Variants in USP45 observed in about 807,000 individuals in gnomAD.
USP45 encodes the protein ubiquitin carboxyl-terminal hydrolase 45.
A neutral mutation model predicts 95.8 loss-of-function variants in USP45; 89 were observed. That is an observed-to-expected ratio of 0.93 (90% CI 0.78 to 1.11). USP45 has a LOEUF of 1.11. USP45 is among the 50% of genes least tolerant of loss of function. USP45 has a pLI of 0.00. For synonymous variants in USP45, 281 were observed against 316.2 expected, an observed-to-expected ratio of 0.89 and a Z score of 1.18; for missense variants, 898 against 942.5, an observed-to-expected ratio of 0.95 and a Z score of 0.62.
At chr6:99,511,520 C>T (rs1799791460) in intron 1 of USP45, among the ~76,000 whole-genome samples, 1 of 151,876 alleles carries the variant, frequency 6.6e-6, no homozygotes, top group African/African-American at 2.4e-5. Context: ...CTGATTTCAG[C>T]TCACTGCAGC....
At chr6:99,458,689 C>T (rs923614389) in intron 13 of USP45, among the ~76,000 whole-genome samples, 2 of 152,094 alleles carry the variant, frequency 1.3e-5, no homozygotes, top group Non-Finnish European at 2.9e-5. Flanking sequence ...TTAGGTACAA[C>T]TTATGTTATG....
At chr6:99,516,541 C>T (rs1224784901), upstream of USP45, among the ~76,000 whole-genome samples, 1 of 152,156 alleles carries the variant, frequency 6.6e-6, no homozygotes, top group South Asian at 2.1e-4. Flanking sequence ...TTGCTTATAT[C>T]GTACTTAACA....
intron 8 of USP45, among the ~76,000 whole-genome samples, chr6:99,481,445 C>CA: frequency 6.6e-6 from 1 of 152,230 alleles, no homozygotes; most frequent in East Asian, 1.9e-4. Flanking sequence ...CTATACAAAA[C>CA]AAGTTATTTC....
At chr6:99,438,078 C>A (rs1053318987) in intron 16 of USP45, among the ~76,000 whole-genome samples, 1 of 152,132 alleles carries the variant, frequency 6.6e-6, no homozygotes, top group Non-Finnish European at 1.5e-5. Context: ...AGACATGTAC[C>A]ACACTATTAA....
At chr6:99,498,211 C>CA (rs1338434896) in intron 5 of USP45, among the ~76,000 whole-genome samples, 1 of 152,112 alleles carries the variant, frequency 6.6e-6, no homozygotes, top group Non-Finnish European at 1.5e-5. Context: ...AGCAGAAACT[C>CA]AGAGATATTA....
At chr6:99,451,926 G>C (rs1783947837) in intron 13 of USP45, among the ~76,000 whole-genome samples, 1 of 152,110 alleles carries the variant, frequency 6.6e-6, no homozygotes, top group African/African-American at 2.4e-5. Flanking sequence ...ACAAGCAATG[G>C]GGAAAGGATT....
intron 7 of USP45, among the ~76,000 whole-genome samples, chr6:99,486,959 T>C (rs1407983185): frequency 1.3e-5 from 2 of 152,168 alleles, no homozygotes; most frequent in East Asian, 3.9e-4. Context: ...GTGGGTTTAT[T>C]ACTTGTGGCA....
intron 13 of USP45, among the ~76,000 whole-genome samples, chr6:99,450,273 C>T (rs1313327585): frequency 6.6e-6 from 1 of 151,008 alleles, no homozygotes; most frequent in African/African-American, 2.4e-5. Flanking sequence ...TCAACAAAAT[C>T]GATAAACCAC....
At chr6:99,485,650 T>C (rs1793704061) in intron 7 of USP45, among the ~76,000 whole-genome samples, 1 of 152,180 alleles carries the variant, frequency 6.6e-6, no homozygotes. Flanking sequence ...ACAAGTGTGT[T>C]AGCTGTGAAA....
chr6:99,474,760 T>C (rs1168288424), intron 9 of USP45, among the ~76,000 whole-genome samples: 1 of 152,214 alleles, frequency 6.6e-6, no homozygotes, highest in African/African-American at 2.4e-5. Context: ...CAATGTCTTC[T>C]ATGAGTAAGA....
At chr6:99,466,941 A>C (rs1266594492) in intron 10 of USP45, among the ~76,000 whole-genome samples, 178 bp from the exon 11 acceptor site, 1 of 152,210 alleles carries the variant, frequency 6.6e-6, no homozygotes, top group Non-Finnish European at 1.5e-5. Flanking sequence ...ATTTTGTAGC[A>C]GATTTACGAC....
chr6:99,466,423 T>C (rs958917972), intron 11 of USP45, among the ~76,000 whole-genome samples: 2 of 152,182 alleles, frequency 1.3e-5, no homozygotes, highest in South Asian at 2.1e-4. Context: ...TATATTAAGA[T>C]AGGCTAAAAC....
chr6:99,464,793 A>C, intron 12 of USP45, 46 bp from the exon 13 acceptor site: 1 of 1,526,104 alleles, frequency 6.6e-7, no homozygotes, highest in South Asian at 1.3e-5. Flanking sequence ...TTAGTAAATA[A>C]ATTCTGGATG....
chr6:99,461,233 T>C lies in USP45; in HGVS notation c.1308+3371A>G, dbSNP rs530461684. On this transcript the variant is annotated intron_variant, in intron 13 of 17. Coordinates refer to ENST00000500704, the MANE Select transcript of USP45 (RefSeq NM_001346022.3). ...TTTATATAAGGATATCAATTTGAGA[T>C]TTTCCAGTCTCTACAATTATTCAAT... 1.4e-5 allele frequency: 14 copies of C among 985,384 alleles called. No homozygotes were observed. The African/African-American group carries it at 2.4e-4, about 17-fold the overall frequency. 61.0% of individuals were successfully genotyped at this position (985,384 alleles called of 1,614,324 possible).
intron 4 of USP45, among the ~76,000 whole-genome samples, chr6:99,505,517 T>C (rs1193590512): frequency 1.3e-5 from 2 of 151,378 alleles, no homozygotes; most frequent in African/African-American, 2.4e-5. Flanking sequence ...AATACAAAAA[T>C]TAGCAGGGCG....
intron 4 of USP45, among the ~76,000 whole-genome samples, chr6:99,505,629 A>G (rs1798345226): frequency 8.0e-6 from 1 of 124,996 alleles, no homozygotes; most frequent in Non-Finnish European, 1.6e-5. Flanking sequence ...TGACAGAGTG[A>G]GATTCCATCT....
upstream of USP45, among the ~76,000 whole-genome samples, chr6:99,517,754 A>G (rs1447373567): frequency 6.6e-6 from 1 of 151,772 alleles, no homozygotes; most frequent in African/African-American, 2.4e-5. Context: ...CTTTTTATCA[A>G]ACACCAAATT....
At chr6:99,438,489 A>G (rs1780925147) in intron 16 of USP45, among the ~76,000 whole-genome samples, 1 of 152,220 alleles carries the variant, frequency 6.6e-6, no homozygotes, top group African/African-American at 2.4e-5. Context: ...ACCTATATAA[A>G]TATGTTATGT....
intron 7 of USP45, among the ~76,000 whole-genome samples, chr6:99,487,738 T>A (rs939208473): frequency 1.3e-5 from 2 of 151,140 alleles, no homozygotes; most frequent in African/African-American, 2.4e-5. Context: ...GAGCTTGCAG[T>A]GAGCTGAGAT....
Sources: gnomAD v4.1 joint callset for allele counts (sites outside exome capture counted in the v4.1 genomes callset) on GRCh38, gnomAD v4.1.1 for gene constraint, MANE v1.5 for transcripts, NCBI Gene and HGNC (gene_info 2026-07-23, HGNC 2026-07-21) for gene names.